Variants in MNAT1 observed in about 807,000 individuals in gnomAD.
MNAT1 encodes MNAT1 component of CDK activating kinase.
MNAT1 carries 43 observed loss-of-function variants against 42.0 expected under a neutral mutation model. That is an observed-to-expected ratio of 1.02 (90% CI 0.80 to 1.32). The LOEUF (loss-of-function observed/expected upper bound fraction) is 1.32, where lower values mean the gene tolerates loss of function less well. Among genes scored for constraint, MNAT1 ranks in the 40% most tolerant of loss-of-function variants. The pLI, the probability that MNAT1 is intolerant of heterozygous loss-of-function variation, is 0.00. For synonymous variants in MNAT1, 118 were observed against 120.0 expected (o/e 0.98, Z 0.11); for missense variants, 306 against 350.4 (o/e 0.87, Z 1.01).
Position 60,897,546 on chromosome 14 carries a change from T to G in MNAT1, c.809+17711T>G, listed in dbSNP as rs2139498807. Among the ~76,000 whole-genome samples the G allele has an allele frequency of 1.3e-5, 2 of 152,270 alleles. 1 individual carries two copies. Among genetic ancestry groups the G allele is most frequent in the South Asian group, 4.1e-4 (2 of 4,826 alleles). ...ATTTAAGGTGTGTATTCTTAAATTTTCCTTATGCATGATTTAAATGAAGCT... is the reference window on the plus strand; with the variant it reads ...ATTTAAGGTGTGTATTCTTAAATTTGCCTTATGCATGATTTAAATGAAGCT... On this transcript the variant is annotated intron_variant, in intron 7 of 7. Transcript: ENST00000261245.
At chr14:60,851,334 A>C (rs79594171) in intron 6 of MNAT1, among the ~76,000 whole-genome samples, 2 of 152,214 alleles carry the variant, frequency 1.3e-5, no homozygotes, top group Admixed American at 1.3e-4. Flanking sequence ...GCAAGGATAC[A>C]CAGGCATATC....
rs1254875734 is a variant in MNAT1, at chr14:60,968,344, A to G, written c.925A>G (p.Ser309Gly). 4 of 1,610,002 alleles carry G rather than the reference A, an allele frequency of 2.5e-6. No homozygotes were observed. The South Asian group carries it at 4.4e-5, about 18-fold the overall frequency. The stretch of plus-strand genomic sequence containing the variant: ...ATTCAGTGGGCTTTTCTGGCAGCCC[A>G]GTTAACCATTTATAAGATTTGGACC... The part of the protein sequence containing the change: ...DAFSGLFWQP[S>G] The change falls in exon 8 of 8, where the codon AGT (serine) becomes GGT (glycine). Residue 309 changes from serine to glycine, a missense_variant. Transcript: ENST00000261245.
intron 1 of MNAT1, among the ~76,000 whole-genome samples, chr14:60,793,933 A>G (rs74975337): frequency 5.6e-4 from 86 of 152,282 alleles, no homozygotes; most frequent in Middle Eastern, 6.8e-3. Context: ...AAAAATTTTA[A>G]TACTATTTAA....
chr14:60,930,165 C>T (rs994553645), intron 7 of MNAT1, among the ~76,000 whole-genome samples: 1 of 150,386 alleles, frequency 6.6e-6, no homozygotes, highest in Non-Finnish European at 1.5e-5. Context: ...AAGAGGATAT[C>T]CTCCTTCGAG....
intron 7 of MNAT1, among the ~76,000 whole-genome samples, chr14:60,963,381 T>C (rs1410750119): frequency 6.6e-6 from 1 of 152,256 alleles, no homozygotes; most frequent in Non-Finnish European, 1.5e-5. Flanking sequence ...GTTACCACTC[T>C]ATAAACAGTT....
intron 6 of MNAT1, among the ~76,000 whole-genome samples, chr14:60,822,364 G>C (rs1269671506): frequency 6.6e-6 from 1 of 152,174 alleles, no homozygotes; most frequent in Non-Finnish European, 1.5e-5. Flanking sequence ...TCCTTGAGGA[G>C]ATTAGGAAAT....
rs539680825 is a variant in MNAT1, at chr14:60,961,675, C to T, written c.810-6554C>T. Among the ~76,000 whole-genome samples the T allele has an allele frequency of 8.1e-4, 124 of 152,200 alleles. 1 individual carries two copies. The highest frequency in any genetic ancestry group is 1.4e-3 in the Non-Finnish European group (92 of 68,024). ...CTGGATTATACGGTCAATGAGATCA[C>T]GAAGGCTTTGTTCTCTGTCTTATTA... On this transcript the variant is annotated intron_variant, in intron 7 of 7. Coordinates refer to ENST00000261245, the MANE Select transcript of MNAT1 (RefSeq NM_002431.4).
At chr14:60,905,761 G>A (rs761082699) in intron 7 of MNAT1, among the ~76,000 whole-genome samples, 9 of 152,074 alleles carry the variant, frequency 5.9e-5, no homozygotes, top group South Asian at 2.1e-4. Context: ...CACTTCCTTC[G>A]TTTTTTTGCT....
intron 7 of MNAT1, among the ~76,000 whole-genome samples, chr14:60,921,026 A>G (rs1007102976): frequency 8.5e-5 from 13 of 152,146 alleles, no homozygotes; most frequent in Non-Finnish European, 1.9e-4. Context: ...TCTCCTTATT[A>G]ACTGAGATAT....
intron 1 of MNAT1, among the ~76,000 whole-genome samples, chr14:60,784,179 AT>A (rs71114155): frequency 2.7e-3 from 144 of 53,286 alleles, no homozygotes; most frequent in African/African-American, 8.9e-3. Flanking sequence ...TGCCTGGCTA[AT>A]TTTTTTTTTT....
In MNAT1 at chr14:60,889,093, AACTT is replaced by A. The variant is rs540694808; in HGVS notation, c.809+9263_809+9266del. 9.5e-3 allele frequency among the ~76,000 whole-genome samples: 1,441 copies of A among 151,834 alleles called. 10 individuals are homozygous for A. Among genetic ancestry groups the A allele is most frequent in the Middle Eastern group, 0.024 (7 of 294 alleles). ...TGACTTTCTTCACAGAATTGGAAAAAACTTACTTTAAAGTTCATATGGAACCAAA... is the reference window on the plus strand; with the variant it reads ...TGACTTTCTTCACAGAATTGGAAAAAACTTTAAAGTTCATATGGAACCAAA... On this transcript the variant is annotated intron_variant, in intron 7 of 7. Transcript: ENST00000261245.
chr14:60,855,310 A>G (rs2033928796), intron 6 of MNAT1, among the ~76,000 whole-genome samples: 1 of 149,188 alleles, frequency 6.7e-6, no homozygotes, highest in Non-Finnish European at 1.5e-5. Flanking sequence ...CCCCCTTTCC[A>G]GGGGAGTGAA....
intron 7 of MNAT1, 46 bp from the exon 8 acceptor site, chr14:60,968,183 T>A: frequency 7.1e-7 from 1 of 1,410,556 alleles, no homozygotes; most frequent in Non-Finnish European, 9.9e-7. Flanking sequence ...GTTACCTATT[T>A]ATATTTGCTT....
At position 60,882,412 on chromosome 14, in the gene MNAT1, G is replaced by A. The variant is rs78066258; in HGVS notation, c.809+2577G>A. Among the ~76,000 whole-genome samples the A allele has an allele frequency of 4.9e-3, 748 of 152,150 alleles. 10 individuals carry two copies. Among genetic ancestry groups the A allele is most frequent in the African/African-American group, 0.016 (663 of 41,510 alleles). On this transcript the variant is annotated intron_variant, in intron 7 of 7. Coordinates refer to ENST00000261245, the MANE Select transcript of MNAT1 (RefSeq NM_002431.4). ...GTATGTTGTTTCAAATGACAGGATC[G>A]CATACCTTTTTTATGGCTGAATAAT... is the stretch of plus-strand genomic sequence containing the variant.
chr14:60,813,147 A>G (rs923501717), intron 5 of MNAT1, among the ~76,000 whole-genome samples: 1 of 152,170 alleles, frequency 6.6e-6, no homozygotes, highest in Non-Finnish European at 1.5e-5. Context: ...CCCTTGAGGC[A>G]ACATGCCTGG....
chr14:60,831,868 T>A (rs2033230376), intron 6 of MNAT1, among the ~76,000 whole-genome samples: 1 of 152,228 alleles, frequency 6.6e-6, no homozygotes, highest in Non-Finnish European at 1.5e-5. Context: ...ATGATCGCCA[T>A]TCTAACTGGC....
chr14:60,892,777 G>A (rs1390309658), intron 7 of MNAT1, among the ~76,000 whole-genome samples: 1 of 151,832 alleles, frequency 6.6e-6, no homozygotes, highest in Non-Finnish European at 1.5e-5. Flanking sequence ...TTGTCATTAT[G>A]ATGATTACAT....
intron 7 of MNAT1, among the ~76,000 whole-genome samples, chr14:60,921,970 C>T (rs1159146995): frequency 6.6e-6 from 1 of 152,060 alleles, no homozygotes; most frequent in African/African-American, 2.4e-5. Flanking sequence ...TTAATACTTT[C>T]ATAGTAAATT....
chr14:60,874,621 T>A (rs1331861063), intron 6 of MNAT1, among the ~76,000 whole-genome samples: 1 of 152,158 alleles, frequency 6.6e-6, no homozygotes, highest in East Asian at 1.9e-4. Flanking sequence ...TCTATAGCAC[T>A]TAAGTCTATA....
Sources: gnomAD v4.1 joint callset for allele counts (sites outside exome capture counted in the v4.1 genomes callset) on GRCh38, gnomAD v4.1.1 for gene constraint, MANE v1.5 for transcripts, NCBI Gene and HGNC (gene_info 2026-07-23, HGNC 2026-07-21) for gene names.